ALPK1: variants seen among roughly 807,000 people sequenced by gnomAD.
ALPK1 encodes the protein alpha kinase 1.
A neutral mutation model predicts 120.6 loss-of-function variants in ALPK1; 110 were observed. That is an observed-to-expected ratio of 0.91 (90% CI 0.78 to 1.07). The LOEUF (loss-of-function observed/expected upper bound fraction) is 1.07. Among genes scored for constraint, ALPK1 ranks in the 50% least tolerant of loss-of-function variants. ALPK1 has a pLI of 0.00. For synonymous variants in ALPK1, 582 were observed against 560.3 expected, an observed-to-expected ratio of 1.04 and a Z score of -0.55; for missense variants, 1,498 against 1,483.9, an observed-to-expected ratio of 1.01 and a Z score of -0.16.
At chr4:112,393,225 C>A (rs1020845983) in intron 4 of ALPK1, among the ~76,000 whole-genome samples, 2 of 152,164 alleles carry the variant, frequency 1.3e-5, no homozygotes, top group African/African-American at 2.4e-5. Flanking sequence ...CCACTGTGTG[C>A]CCAGAAGGAG....
chr4:112,331,542 G>A (rs963327136), intron 2 of ALPK1, among the ~76,000 whole-genome samples: 3 of 152,158 alleles, frequency 2.0e-5, no homozygotes, highest in Non-Finnish European at 2.9e-5. Context: ...TCTGTTTATT[G>A]GGAGGATTTA....
chr4:112,361,361 G>T (rs1014126953), intron 2 of ALPK1, among the ~76,000 whole-genome samples: 5 of 152,200 alleles, frequency 3.3e-5, no homozygotes, highest in African/African-American at 1.2e-4. Flanking sequence ...GTGCTGTTGG[G>T]GGGAGGGGCA....
chr4:112,351,983 T>C (rs1730380992), intron 2 of ALPK1, among the ~76,000 whole-genome samples: 1 of 152,210 alleles, frequency 6.6e-6, no homozygotes, highest in African/African-American at 2.4e-5. Flanking sequence ...TTTACTCACT[T>C]GTCCATCCAG....
chr4:112,438,699 C>A, intron 13 of ALPK1, 53 bp downstream of exon 13: 1 of 1,568,928 alleles, frequency 6.4e-7, no homozygotes, highest in South Asian at 1.2e-5. Context: ...ACTTGAATAT[C>A]AATTAATCTG....
At chr4:112,335,063 G>A (rs1177325133) in intron 2 of ALPK1, among the ~76,000 whole-genome samples, 1 of 152,042 alleles carries the variant, frequency 6.6e-6, no homozygotes. Flanking sequence ...TTTGAGACCA[G>A]CCTAACCAAC....
At chr4:112,324,124 G>C (rs1416794192) in intron 2 of ALPK1, among the ~76,000 whole-genome samples, 1 of 152,086 alleles carries the variant, frequency 6.6e-6, no homozygotes, top group African/African-American at 2.4e-5. Context: ...TCAGGAGATC[G>C]AGACCATCCT....
intron 5 of ALPK1, among the ~76,000 whole-genome samples, chr4:112,415,557 A>G (rs1166870115): frequency 6.6e-6 from 1 of 152,060 alleles, no homozygotes; most frequent in African/African-American, 2.4e-5. Flanking sequence ...GAATTGCTTG[A>G]ACCCAGAAGG....
At chr4:112,421,960 G>T (rs1734013335) in intron 5 of ALPK1, among the ~76,000 whole-genome samples, 1 of 152,140 alleles carries the variant, frequency 6.6e-6, no homozygotes, top group Non-Finnish European at 1.5e-5. Context: ...CATCCAAATT[G>T]CCAGCATCAC....
chr4:112,328,133 T>C (rs2148698966), intron 2 of ALPK1, among the ~76,000 whole-genome samples: 1 of 152,372 alleles, frequency 6.6e-6, no homozygotes, highest in Admixed American at 6.5e-5. Flanking sequence ...ATGACAGGAC[T>C]TAGTAAAGTC....
chr4:112,393,433 C>T (rs562118392), intron 4 of ALPK1, among the ~76,000 whole-genome samples: 1 of 152,314 alleles, frequency 6.6e-6, no homozygotes, highest in South Asian at 2.1e-4. Flanking sequence ...CCATGTAGAT[C>T]TTACAGAAGT....
At chr4:112,368,942 C>A (rs1284892585) in intron 2 of ALPK1, among the ~76,000 whole-genome samples, 3 of 152,136 alleles carry the variant, frequency 2.0e-5, no homozygotes, top group African/African-American at 7.2e-5. Context: ...ACAGTGAAAC[C>A]AGTTTTAAGT....
At chr4:112,393,197 A>T (rs1732500389) in intron 4 of ALPK1, among the ~76,000 whole-genome samples, 1 of 152,242 alleles carries the variant, frequency 6.6e-6, no homozygotes, top group African/African-American at 2.4e-5. Context: ...CTTTTCAAGA[A>T]GCCAAAGAAA....
intron 2 of ALPK1, among the ~76,000 whole-genome samples, chr4:112,335,503 T>C (rs1202937165): frequency 6.6e-6 from 1 of 152,132 alleles, no homozygotes; most frequent in Non-Finnish European, 1.5e-5. Flanking sequence ...GCTGGAGCCA[T>C]CTTGGGATAG....
intron 2 of ALPK1, among the ~76,000 whole-genome samples, chr4:112,367,834 G>A (rs910720972): frequency 4.6e-5 from 7 of 151,856 alleles, no homozygotes; most frequent in Admixed American, 4.6e-4. Context: ...CCTTTTTTCT[G>A]TTGAATTCTA....
At chr4:112,301,237 G>A (rs1272452796) in intron 1 of ALPK1, among the ~76,000 whole-genome samples, 1 of 152,056 alleles carries the variant, frequency 6.6e-6, no homozygotes, top group African/African-American at 2.4e-5. Context: ...AACTGTAAGT[G>A]GTAACATCTC....
At chr4:112,338,974 G>A (rs1167363983) in intron 2 of ALPK1, among the ~76,000 whole-genome samples, 1 of 152,180 alleles carries the variant, frequency 6.6e-6, no homozygotes, top group African/African-American at 2.4e-5. Context: ...GTGCTGTAAA[G>A]CCTCTCTAGC....
At chr4:112,361,294 C>T (rs779979704) in intron 2 of ALPK1, among the ~76,000 whole-genome samples, 21 of 152,164 alleles carry the variant, frequency 1.4e-4, no homozygotes, top group Admixed American at 6.5e-5. Context: ...AGTTGGGAGG[C>T]TTGTAACCTG....
chr4:112,433,894 T>C (rs1415853352), intron 11 of ALPK1, among the ~76,000 whole-genome samples: 1 of 152,186 alleles, frequency 6.6e-6, no homozygotes, highest in Non-Finnish European at 1.5e-5. Context: ...CTAATGGGTC[T>C]GGAGTGCGGA....
chr4:112,414,361 C>T (rs561965234), intron 5 of ALPK1: 18 of 462,302 alleles, frequency 3.9e-5, no homozygotes, highest in Non-Finnish European at 6.1e-5. Flanking sequence ...AATCCCAGCA[C>T]TTTGGGAGGC....
Sources: allele counts gnomAD v4.1 joint callset (sites outside exome capture counted in the v4.1 genomes callset), GRCh38; gene constraint gnomAD v4.1.1; transcripts MANE v1.5; gene names NCBI Gene and HGNC (gene_info 2026-07-23, HGNC 2026-07-21).